SLC24A5: variants seen among roughly 807,000 people sequenced by gnomAD.
SLC24A5 encodes sodium/potassium/calcium exchanger 5.
A neutral mutation model predicts 51.6 loss-of-function variants in SLC24A5; 46 were observed. The observed-to-expected ratio is 0.89, with a 90% CI of 0.70 to 1.14. The LOEUF is 1.14. Ranked by LOEUF, SLC24A5 falls within the 50% of genes most tolerant of loss-of-function variation. SLC24A5 has a pLI of 0.00. For missense variants in SLC24A5, 581 were observed against 604.1 expected (o/e 0.96, Z 0.40); for synonymous variants, 230 against 214.9 (o/e 1.07, Z -0.62).
In SLC24A5 at chr15:48,134,473, A is replaced by G. The variant is rs1165143620; in HGVS notation, c.424A>G (p.Ile142Val). The G allele has an allele frequency of 6.2e-7, 1 of 1,613,604 alleles. No homozygotes were observed. Among genetic ancestry groups the G allele is most frequent in the South Asian group, 1.1e-5 (1 of 91,064 alleles). Reference sequence around the variant, plus strand: ...AAAGGGAGATATTGGCATTAGCACCATCCTTGGATCTGCAATTTATAATCT... The same window carrying G: ...AAAGGGAGATATTGGCATTAGCACCGTCCTTGGATCTGCAATTTATAATCT... ...ITKGDIGIST[I>V]LGSAIYNLLG... The change falls in exon 4 of 9, where the codon ATC (isoleucine) becomes GTC (valine). Residue 142 changes from isoleucine to valine, a missense_variant. Transcript: ENST00000341459.
Position 48,122,177 on chromosome 15 carries a change from C to A in SLC24A5, c.301+141C>A, listed in dbSNP as rs2038686631. Reference sequence around the variant, plus strand: ...AGCTTCTTGTTGTGGGGTCCCGTGTCTTAAGGAACTGGTCGAGTGTGGTTT... The same window carrying A: ...AGCTTCTTGTTGTGGGGTCCCGTGTATTAAGGAACTGGTCGAGTGTGGTTT... On this transcript the variant is annotated intron_variant, in intron 2 of 8. Coordinates refer to ENST00000341459, the MANE Select transcript of SLC24A5 (RefSeq NM_205850.3). 9.5e-6 allele frequency: 8 copies of A among 845,026 alleles called. No homozygotes were observed. In the South Asian group the frequency reaches 1.1e-4, roughly 12 times the overall value. 52.3% of individuals were successfully genotyped at this position (845,026 alleles called of 1,614,324 possible).
At chr15:48,128,666 T>A (rs2038757373) in intron 2 of SLC24A5, among the ~76,000 whole-genome samples, 1 of 152,152 alleles carries the variant, frequency 6.6e-6, no homozygotes, top group Non-Finnish European at 1.5e-5. Context: ...ACAAAGAATC[T>A]AAGAATAGTG....
chr15:48,128,711 T>C (rs1048743573), intron 2 of SLC24A5, among the ~76,000 whole-genome samples: 1 of 152,094 alleles, frequency 6.6e-6, no homozygotes, highest in Non-Finnish European at 1.5e-5. Flanking sequence ...CTCCTAAGAG[T>C]ATTTCATCCT....
At chr15:48,128,117 T>C (rs1567221651) in intron 2 of SLC24A5, among the ~76,000 whole-genome samples, 2 of 152,030 alleles carry the variant, frequency 1.3e-5, no homozygotes, top group African/African-American at 4.8e-5. Flanking sequence ...CAAAATATCC[T>C]TTTGATATGT....
intron 2 of SLC24A5, chr15:48,122,388 C>T: frequency 5.3e-6 from 2 of 379,222 alleles, no homozygotes; most frequent in Non-Finnish European, 9.3e-6. Context: ...TAATATTTGC[C>T]ATTTTATGCT....
chr15:48,136,697 T>C lies in SLC24A5; in HGVS notation c.605T>C (p.Leu202Ser). 1 of 1,607,714 alleles carries C rather than the reference T, an allele frequency of 6.2e-7. No individual in the cohort carries two copies. The highest frequency in any genetic ancestry group is 8.5e-7 in the Non-Finnish European group (1 of 1,176,526). Residue 202 changes from leucine to serine, a missense_variant, in exon 6 of 9, where the codon TTA (leucine) becomes TCA (serine). By Grantham distance (145) the Leu-to-Ser change is moderately radical. Transcript: ENST00000341459. ...CTCTTTTGTAGGTATGAAGGGGCTT[T>C]ACTGCTTTTGATATATGGATTGTAT... is the stretch of plus-strand genomic sequence containing the variant. ...DNQVYWYEGA[L>S]LLLIYGLYVL...
In SLC24A5 at chr15:48,136,976, T is replaced by C. The variant is rs2038916379; in HGVS notation, c.871+13T>C. 1.3e-6 allele frequency: 2 copies of C among 1,598,860 alleles called. No homozygotes were observed. Among genetic ancestry groups the C allele is most frequent in the African/African-American group, 1.3e-5 (1 of 74,406 alleles). On this transcript the variant is annotated intron_variant, in intron 6 of 8. Coordinates refer to ENST00000341459, the MANE Select transcript of SLC24A5 (RefSeq NM_205850.3). ...CAGGTTTCTGAAGGTAATCACTAAA[T>C]CTTGCCCATTATTAAGTCTATTCGC...
intron 2 of SLC24A5, among the ~76,000 whole-genome samples, chr15:48,131,517 A>C (rs987462564): frequency 2.0e-5 from 3 of 151,768 alleles, no homozygotes; most frequent in South Asian, 2.1e-4. Context: ...GCCTGGCACC[A>C]CCCACCTCTC....
chr15:48,141,295 C>A, intron 8 of SLC24A5, 81 bp downstream of exon 8: 1 of 1,206,854 alleles, frequency 8.3e-7, no homozygotes, highest in Admixed American at 1.9e-5. Context: ...ATGTTTACTT[C>A]CAGCCGGGTG....
chr15:48,134,033 A>C (rs2038833239), intron 2 of SLC24A5, among the ~76,000 whole-genome samples: 1 of 152,104 alleles, frequency 6.6e-6, no homozygotes, highest in African/African-American at 2.4e-5. Flanking sequence ...GGCACTCAGG[A>C]TATTCCCTTT....
At chr15:48,140,902 T>G in intron 7 of SLC24A5, 1 of 441,104 alleles carries the variant, frequency 2.3e-6, no homozygotes. Flanking sequence ...TTTAGATATG[T>G]CATTAAAAAT....
rs1014114484 is a variant in SLC24A5 at position 48,142,560 on chromosome 15, GA to G, written c.*215del. 16 of 471,852 alleles carry G rather than the reference GA, an allele frequency of 3.4e-5. No homozygotes were observed. Among genetic ancestry groups the G allele is most frequent in the African/African-American group, 1.0e-4 (5 of 50,188 alleles). 29.2% of individuals were successfully genotyped at this position (471,852 alleles called of 1,614,324 possible). A position where few individuals can be genotyped will look rare whatever the true frequency, so the allele number is the denominator to read the frequency against. On this transcript the variant is annotated 3_prime_UTR_variant, in exon 9 of 9. Transcript: ENST00000341459. ...ATATTATAAAACAGAAGTTTGGGGG[GA>G]AAAAATCTATGTTTTACCATACAAT...
rs199924625 is a variant in SLC24A5 at position 48,139,122 on chromosome 15, C to T, written c.1025C>T (p.Ala342Val). 5.5e-5 allele frequency: 89 copies of T among 1,612,906 alleles called. No individual in the cohort carries two copies. In the East Asian group the frequency reaches 1.6e-3, roughly 29 times the overall value. ...NYFVITFFMSAIWISAFTYIL... is the reference protein window; with the variant it reads ...NYFVITFFMSVIWISAFTYIL... The stretch of plus-strand genomic sequence containing the variant: ...TTTGTGATAACCTTTTTCATGTCTG[C>T]AATATGGATATCCGCATTTACATAT... Residue 342 changes from alanine (A) to valine (V), a missense_variant, in exon 7 of 9, where the codon GCA becomes GTA. By Grantham distance (64) the Ala-to-Val change is moderately conservative. Coordinates refer to ENST00000341459, the MANE Select transcript of SLC24A5 (RefSeq NM_205850.3).
chr15:48,135,809 A>T (rs763277776), intron 5 of SLC24A5: 3 of 152,122 alleles, frequency 2.0e-5, no homozygotes, highest in Non-Finnish European at 4.4e-5. Context: ...CCAGAAGCAT[A>T]ATTTCTAAAC....
chr15:48,124,290 A>G (rs898620918), intron 2 of SLC24A5: 6 of 152,028 alleles, frequency 3.9e-5, no homozygotes, highest in Admixed American at 3.3e-4. Flanking sequence ...CTGTCTTGCT[A>G]TAGGATGTAA....
Position 48,142,148 on chromosome 15 carries a change from A to G in SLC24A5, c.1300A>G (p.Asn434Asp). The change falls in exon 9 of 9, where the codon AAC (asparagine) becomes GAC (aspartate). Residue 434 changes from asparagine to aspartate, a missense_variant. By Grantham distance (23) the Asn-to-Asp change is conservative (BLOSUM62 1). Transcript: ENST00000341459. ...FINGSAPAEVNSRGLTYITIS... is the reference protein window; with the variant it reads ...FINGSAPAEVDSRGLTYITIS... ...AAATGGATCAGCTCCTGCAGAAGTA[A>G]ACAGCAGAGGACTAACTTACATAAC... The G allele has an allele frequency of 6.2e-7, 1 of 1,613,902 alleles. No individual in the cohort carries two copies. Among genetic ancestry groups the G allele is most frequent in the Non-Finnish European group, 8.5e-7 (1 of 1,179,878 alleles).
At chr15:48,137,740 A>G (rs1214721100) in intron 6 of SLC24A5, 2 of 152,158 alleles carry the variant, frequency 1.3e-5, no homozygotes, top group African/African-American at 4.8e-5. Flanking sequence ...GACTGAGAAA[A>G]TGGGAACAGC....
At chr15:48,141,906 TAAC>T (rs773325918) in intron 8 of SLC24A5, 120 bp from the exon 9 acceptor site, 1 of 697,842 alleles carries the variant, frequency 1.4e-6, no homozygotes, top group Admixed American at 2.8e-5. Context: ...ACTTTTGCTC[TAAC>T]AACAATTTTT....
At chr15:48,138,752 TAAAG>T (rs1407810132) in intron 6 of SLC24A5, 2 of 498,984 alleles carry the variant, frequency 4.0e-6, no homozygotes, top group Non-Finnish European at 3.6e-6. Context: ...AGGCCCCAAA[TAAAG>T]AAATGCGGAG....
Sources: gnomAD v4.1 joint callset for allele counts (sites outside exome capture counted in the v4.1 genomes callset) on GRCh38, gnomAD v4.1.1 for gene constraint, MANE v1.5 for transcripts, NCBI Gene and HGNC (gene_info 2026-07-23, HGNC 2026-07-21) for gene names.